Variants in ANKRD13C observed in about 807,000 individuals in gnomAD.
ANKRD13C encodes ankyrin repeat domain 13C, also known as ankyrin repeat domain-containing protein 13C.
A neutral mutation model predicts 65.5 loss-of-function variants in ANKRD13C; 16 were observed. The ratio of observed to expected loss-of-function variants is 0.24; its 90% CI spans 0.17 to 0.37. The LOEUF (loss-of-function observed/expected upper bound fraction) is 0.37. ANKRD13C is among the 10% of genes least tolerant of loss of function. The pLI is 1.00. For missense variants in ANKRD13C, 503 were observed against 655.9 expected (o/e 0.77, Z 2.55); for synonymous variants, 235 against 238.7 (o/e 0.98, Z 0.14).
chr1:70,276,672 C>A, intron 10 of ANKRD13C, 93 bp downstream of exon 10: 1 of 1,050,448 alleles, frequency 9.5e-7, no homozygotes, highest in East Asian at 2.5e-5. Context: ...TAATTCTCTC[C>A]AAAATAATTT....
intron 2 of ANKRD13C, among the ~76,000 whole-genome samples, chr1:70,327,377 T>C (rs1406357800): frequency 6.6e-6 from 1 of 152,060 alleles, no homozygotes; most frequent in Non-Finnish European, 1.5e-5. Context: ...TTAAGAAACA[T>C]GGAGAGAAAA....
At chr1:70,312,648 G>C (rs1196569306) in intron 5 of ANKRD13C, among the ~76,000 whole-genome samples, 1 of 148,688 alleles carries the variant, frequency 6.7e-6, no homozygotes, top group Non-Finnish European at 1.5e-5. Context: ...GGGCGACAGA[G>C]TGAGTGAGAC....
chr1:70,288,035 GA>G (rs1227131683), intron 9 of ANKRD13C, among the ~76,000 whole-genome samples: 1 of 151,720 alleles, frequency 6.6e-6, no homozygotes, highest in Non-Finnish European at 1.5e-5. Flanking sequence ...CAACAACTTT[GA>G]AAACTCAACA....
chr1:70,315,431 C>T (rs1681034432), intron 4 of ANKRD13C, 50 bp downstream of exon 4: 3 of 1,478,906 alleles, frequency 2.0e-6, no homozygotes, highest in African/African-American at 1.4e-5. Context: ...CTTAAAACTA[C>T]ACTTATAATT....
intron 2 of ANKRD13C, among the ~76,000 whole-genome samples, chr1:70,335,719 CAT>C (rs1457789521): frequency 1.9e-4 from 29 of 149,224 alleles, no homozygotes; most frequent in Admixed American, 1.9e-3. Context: ...TATTAAAAAT[CAT>C]ATAAAACTCT....
At chr1:70,342,309 G>T (rs1340886943) in intron 1 of ANKRD13C, among the ~76,000 whole-genome samples, 6 of 152,174 alleles carry the variant, frequency 3.9e-5, no homozygotes, top group Admixed American at 3.3e-4. Flanking sequence ...GGAGGCAGAA[G>T]TGGGCAGATC....
In ANKRD13C at chr1:70,306,301, A is replaced by T. The variant is rs780281045; in HGVS notation, c.710-11T>A. ...GGGAAAGTAAAGGCACTGTATTTTT[A>T]AAAACAAAAGGTAAAAAATAACTAC... On this transcript the variant is annotated splice_polypyrimidine_tract_variant and intron_variant, in intron 5 of 12. Coordinates refer to ENST00000370944, the MANE Select transcript of ANKRD13C (RefSeq NM_030816.5). 5.3e-6 allele frequency: 8 copies of T among 1,522,240 alleles called. No individual in the cohort carries two copies. Among genetic ancestry groups the T allele is most frequent in the Non-Finnish European group, 7.1e-6 (8 of 1,130,110 alleles). 94.3% of individuals were successfully genotyped at this position (1,522,240 alleles called of 1,614,324 possible). A position where few individuals can be genotyped will look rare whatever the true frequency, so the allele number is the denominator to read the frequency against.
intron 5 of ANKRD13C, among the ~76,000 whole-genome samples, chr1:70,313,329 G>A (rs1416829172): frequency 6.6e-6 from 1 of 152,028 alleles, no homozygotes; most frequent in African/African-American, 2.4e-5. Flanking sequence ...AGGTGTTCTA[G>A]ACCAGCCTGG....
intron 2 of ANKRD13C, among the ~76,000 whole-genome samples, chr1:70,330,514 TGCC>T (rs1344521037): frequency 7.3e-6 from 1 of 137,668 alleles, no homozygotes; most frequent in Non-Finnish European, 1.5e-5. Context: ...GCAGAGATCA[TGCC>T]ACTGCACTCC....
chr1:70,297,333 G>T (rs560193360), intron 7 of ANKRD13C, among the ~76,000 whole-genome samples: 1 of 123,544 alleles, frequency 8.1e-6, no homozygotes, highest in Non-Finnish European at 1.6e-5. Flanking sequence ...CCGCTTTGTC[G>T]CCCAGGCTGG....
At chr1:70,306,346 C>T (rs1680587045) in intron 5 of ANKRD13C, 56 bp from the exon 6 acceptor site, 2 of 1,158,002 alleles carry the variant, frequency 1.7e-6, no homozygotes, top group Middle Eastern at 2.1e-4. Flanking sequence ...GAGATATTTA[C>T]AAACTTTTAA....
chr1:70,276,740 A>G, intron 10 of ANKRD13C, 25 bp downstream of exon 10: 1 of 1,519,922 alleles, frequency 6.6e-7, no homozygotes, highest in Non-Finnish European at 9.0e-7. Flanking sequence ...AAACCAAATA[A>G]CACATAAACA....
At chr1:70,273,657 C>T (rs1456472295) in intron 11 of ANKRD13C, among the ~76,000 whole-genome samples, 1 of 151,904 alleles carries the variant, frequency 6.6e-6, no homozygotes, top group Admixed American at 6.6e-5. Context: ...TCAAGACACA[C>T]TCATTTTTTC....
rs781417531 is a variant in ANKRD13C, at chr1:70,354,371, T to C, written c.38A>G (p.His13Arg). The C allele has an allele frequency of 8.1e-6, 13 of 1,613,922 alleles. No homozygotes were observed. The highest frequency in any genetic ancestry group is 1.0e-5 in the Non-Finnish European group (12 of 1,179,966). Residue 13 changes from histidine (H) to arginine (R), a missense_variant, in exon 1 of 13, where the codon CAC becomes CGC. Physicochemically the swap from His to Arg is conservative, Grantham distance 29. Transcript: ENST00000370944. ...GEKIRSLRRD[H>R]KPSKEEGDLL... ...GTCCCCTTCTTCTTTGCTGGGCTTG[T>C]GGTCCCTCCGCAGTGAGCGGATCTT...
chr1:70,290,846 C>G (rs1412886699), intron 9 of ANKRD13C, among the ~76,000 whole-genome samples: 1 of 151,972 alleles, frequency 6.6e-6, no homozygotes, highest in East Asian at 1.9e-4. Context: ...GTGCGAGCCA[C>G]TGTGCCTGGC....
rs553930082 is a variant in ANKRD13C, at chr1:70,260,579, C to T, written c.*2138G>A. On this transcript the variant is annotated 3_prime_UTR_variant, in exon 13 of 13. Transcript: ENST00000370944. Reference sequence around the variant, plus strand: ...ATTAACTGGATTAAAAGGCACATTTCGAAAAATCTTCATTAAAAGTAATAC... The same window carrying T: ...ATTAACTGGATTAAAAGGCACATTTTGAAAAATCTTCATTAAAAGTAATAC... 7.9e-5 allele frequency: 12 copies of T among 152,092 alleles called. No individual in the cohort carries two copies. The East Asian group carries it at 1.2e-3, about 15-fold the overall frequency. The allele number at this position is 152,092 out of a possible 1,614,324, so 9.4% of individuals were successfully genotyped here.
Position 70,262,766 on chromosome 1 carries a change from G to C in ANKRD13C, c.1577C>G (p.Thr526Ser). The C allele has an allele frequency of 6.2e-7, 1 of 1,613,616 alleles. No homozygotes were observed. Among genetic ancestry groups the C allele is most frequent in the Non-Finnish European group, 8.5e-7 (1 of 1,179,710 alleles). The change falls in exon 13 of 13, where the codon ACT becomes AGT. Residue 526 changes from threonine to serine, a missense_variant. By Grantham distance (58) the Thr-to-Ser change is moderately conservative. Around this residue, in one of 2 missense-constraint regions of ANKRD13C, gnomAD observed 300 missense variants for 478.3 expected, o/e 0.63. Coordinates refer to ENST00000370944, the MANE Select transcript of ANKRD13C (RefSeq NM_030816.5). The stretch of plus-strand genomic sequence containing the variant: ...GTCTTCCTTGTAGTCATCAGGTATA[G>C]TAAAGATGGAGCCATCAAATTCATC... ...RYDEFDGSIF[T>S]IPDDYKEDPS...
Position 70,354,330 on chromosome 1 carries a change from C to T in ANKRD13C, c.79G>A (p.Asp27Asn). ...KEEGDLLEPG[D>N]EEAAAALGGT... is the part of the protein sequence containing the mutation. The stretch of plus-strand genomic sequence containing the variant: ...CCGAGGGCAGCCGCCGCTTCCTCAT[C>T]CCCGGGCTCCAGCAGGTCCCCTTCT... Residue 27 changes from aspartate to asparagine, a missense_variant, in exon 1 of 13, where the codon GAT (aspartate) becomes AAT (asparagine). This residue lies in a region of ANKRD13C where 203 missense variants were observed against 177.6 expected (regional missense o/e 1.14). Transcript: ENST00000370944. 2 of 1,614,070 alleles carry T rather than the reference C, an allele frequency of 1.2e-6. No homozygotes were observed. The highest frequency in any genetic ancestry group is 1.7e-6 in the Non-Finnish European group (2 of 1,180,020).
intron 10 of ANKRD13C, 104 bp from the exon 11 acceptor site, chr1:70,274,922 T>C: frequency 2.8e-6 from 2 of 723,906 alleles, no homozygotes; most frequent in East Asian, 2.5e-5. Context: ...TATTTCAATT[T>C]TTCTTACTCT....
Sources: allele counts gnomAD v4.1 joint callset (sites outside exome capture counted in the v4.1 genomes callset), GRCh38; gene constraint gnomAD v4.1.1; regional missense constraint gnomAD v4.1.1; transcripts MANE v1.5; gene names NCBI Gene and HGNC (gene_info 2026-07-23, HGNC 2026-07-21).